The following BCAS3 variants were observed in gnomAD, a reference collection of about 807,000 sequenced individuals.
BCAS3 encodes the protein BCAS3 microtubule associated cell migration factor.
Under a neutral mutation model 116.1 loss-of-function variants are expected in BCAS3, and 53 were observed. The observed-to-expected ratio is 0.46, with a 90% CI of 0.37 to 0.57. BCAS3 has a LOEUF of 0.57. BCAS3 is among the 20% of genes least tolerant of loss of function. The probability of loss-of-function intolerance (pLI) is 0.00; values close to 1 mark genes in which losing one functional copy is unlikely to be tolerated. For missense variants in BCAS3, 917 were observed against 1,165.4 expected, an observed-to-expected ratio of 0.79 and a Z score of 3.10; for synonymous variants, 391 against 408.2, an observed-to-expected ratio of 0.96 and a Z score of 0.51.
In BCAS3 at chr17:61,391,959, C is replaced by T. The variant is rs2060156723; in HGVS notation, c.2594-18C>T. 3.1e-6 allele frequency: 5 copies of T among 1,612,208 alleles called. No homozygotes were observed. The highest frequency in any genetic ancestry group is 4.2e-6 in the Non-Finnish European group (5 of 1,179,426). ...GACCCAACTCTAACCAGGCCTGGCCCTCTCCTGTGTCTTGCAGAACTTCAG... is the reference window on the plus strand; with the variant it reads ...GACCCAACTCTAACCAGGCCTGGCCTTCTCCTGTGTCTTGCAGAACTTCAG... On this transcript the variant is annotated intron_variant, in intron 23 of 23. Transcript: ENST00000407086. The surrounding 1 kb of genome is among the most constrained non-coding windows in gnomAD (Gnocchi z 7.7).
intron 5 of BCAS3, among the ~76,000 whole-genome samples, chr17:60,738,268 T>C (rs1485207242): frequency 6.6e-6 from 1 of 152,246 alleles, no homozygotes; most frequent in Non-Finnish European, 1.5e-5. Flanking sequence ...TGTGCTTTTC[T>C]GGCTGCTGGA....
rs1256960311 is a variant in BCAS3, at chr17:61,144,878, T to C, written c.2425+60314T>C. ...TAAGATTCGCAGATTAAGATCATTA[T>C]AGCATTTGAGTAGGCCCTCAGTGAC... On this transcript the variant is annotated intron_variant, in intron 22 of 23. Coordinates refer to ENST00000407086, the MANE Select transcript of BCAS3 (RefSeq NM_017679.5). This position sits in a 1 kb window ranked among gnomAD's most constrained non-coding sequence, Gnocchi z 5.0. Among the ~76,000 whole-genome samples, 5 of 152,242 alleles carry C rather than the reference T, an allele frequency of 3.3e-5. No homozygotes were observed. The highest frequency in any genetic ancestry group is 1.2e-4 in the African/African-American group (5 of 41,454).
intron 6 of BCAS3, among the ~76,000 whole-genome samples, chr17:60,751,784 C>G (rs1201038828): frequency 6.6e-6 from 1 of 152,162 alleles, no homozygotes; most frequent in Non-Finnish European, 1.5e-5. Context: ...CTCAGGTGAT[C>G]CACCTGCCTC....
chr17:60,850,545 G>T (rs2053034309), intron 7 of BCAS3, among the ~76,000 whole-genome samples: 2 of 151,812 alleles, frequency 1.3e-5, no homozygotes, highest in African/African-American at 4.8e-5. Context: ...TTTTAGTAGA[G>T]ATGGGGTTTC....
At chr17:60,808,602 A>G (rs2144625691) in intron 7 of BCAS3, among the ~76,000 whole-genome samples, 1 of 152,336 alleles carries the variant, frequency 6.6e-6, no homozygotes, top group South Asian at 2.1e-4. Flanking sequence ...TTCATAGGCT[A>G]CAAGACAAAT....
At position 61,161,424 on chromosome 17, in the gene BCAS3, C is replaced by T. The variant is rs2078161236; in HGVS notation, c.2425+76860C>T. ...CCCACTTGTTGCATTTAATTTAAAG[C>T]AGTTGTCCCAATTTCATTACCACAG... On this transcript the variant is annotated intron_variant, in intron 22 of 23. Transcript: ENST00000407086. This position sits in a 1 kb window ranked among gnomAD's most constrained non-coding sequence, Gnocchi z 4.8. 6.6e-6 allele frequency among the ~76,000 whole-genome samples: 1 copy of T among 152,212 alleles called. No homozygotes were observed. Among genetic ancestry groups the T allele is most frequent in the Non-Finnish European group, 1.5e-5 (1 of 68,044 alleles).
At position 61,277,178 on chromosome 17, in the gene BCAS3, C is replaced by T. The variant is rs544835625; in HGVS notation, c.2426-91149C>T. Reference sequence around the variant, plus strand: ...ACTCAAAAGGCTGAGGCAGGAGGATCGCTTTTTCTAGGAGTTCAAGGTTGC... The same window carrying T: ...ACTCAAAAGGCTGAGGCAGGAGGATTGCTTTTTCTAGGAGTTCAAGGTTGC... On this transcript the variant is annotated intron_variant, in intron 22 of 23. Coordinates refer to ENST00000407086, the MANE Select transcript of BCAS3 (RefSeq NM_017679.5). Among the ~76,000 whole-genome samples, 8 of 147,780 alleles carry T rather than the reference C, an allele frequency of 5.4e-5. No individual in the cohort carries two copies. The East Asian group carries it at 1.2e-3, about 23-fold the overall frequency.
rs180727864 is a variant in BCAS3 at position 61,341,782 on chromosome 17, C to T, written c.2426-26545C>T. Among the ~76,000 whole-genome samples the T allele has an allele frequency of 9.2e-5, 14 of 152,340 alleles. No individual in the cohort carries two copies. The South Asian group carries it at 2.1e-3, about 23-fold the overall frequency. ...ATGGGTTCAGGGAGTGGCAATCATC[C>T]GGCCTTTTCTCTGCGATACCCAAAA... On this transcript the variant is annotated intron_variant, in intron 22 of 23. Coordinates refer to ENST00000407086, the MANE Select transcript of BCAS3 (RefSeq NM_017679.5).
intron 4 of BCAS3, among the ~76,000 whole-genome samples, chr17:60,692,236 A>G (rs569550093): frequency 6.6e-6 from 1 of 152,036 alleles, no homozygotes; most frequent in South Asian, 2.1e-4. Context: ...ATTTTATTTT[A>G]TTGATATATT....
At chr17:61,117,344 G>A (rs974486665) in intron 22 of BCAS3, among the ~76,000 whole-genome samples, 4 of 152,146 alleles carry the variant, frequency 2.6e-5, no homozygotes, top group Non-Finnish European at 4.4e-5. Context: ...TGTAATCCAA[G>A]CACTCTGGAA....
At chr17:60,797,897 C>G (rs918113297) in intron 6 of BCAS3, among the ~76,000 whole-genome samples, 6 of 152,124 alleles carry the variant, frequency 3.9e-5, no homozygotes, top group African/African-American at 1.4e-4. Context: ...CAAAAATTAG[C>G]CAGGCATGGT....
intron 19 of BCAS3, among the ~76,000 whole-genome samples, chr17:61,045,865 A>ATATATATATAT (rs757031336): frequency 3.0e-3 from 12 of 3,960 alleles, no homozygotes; most frequent in Non-Finnish European, 3.9e-3. Flanking sequence ...ATATATATAT[A>ATATATATATAT]AATATATATA....
Position 61,244,766 on chromosome 17 carries a change from G to A in BCAS3, c.2426-123561G>A, listed in dbSNP as rs866034244. Among the ~76,000 whole-genome samples the A allele has an allele frequency of 6.6e-6, 1 of 152,112 alleles. No homozygotes were observed. Among genetic ancestry groups the A allele is most frequent in the African/African-American group, 2.4e-5 (1 of 41,426 alleles). On this transcript the variant is annotated intron_variant, in intron 22 of 23. Coordinates refer to ENST00000407086, the MANE Select transcript of BCAS3 (RefSeq NM_017679.5). This position sits in a 1 kb window ranked among gnomAD's most constrained non-coding sequence, Gnocchi z 4.9. ...TAGTCCCAGTTACTTGGGAGAATGA[G>A]GCAGGAGAATGGCATGAACCCAGGA...
At chr17:60,744,176 T>C (rs2041838277) in intron 5 of BCAS3, among the ~76,000 whole-genome samples, 1 of 152,220 alleles carries the variant, frequency 6.6e-6, no homozygotes, top group Non-Finnish European at 1.5e-5. Context: ...GCTTGGACTC[T>C]CTTTCCTTGT....
intron 6 of BCAS3, among the ~76,000 whole-genome samples, chr17:60,804,561 C>T (rs2048103083): frequency 6.6e-6 from 1 of 152,054 alleles, no homozygotes; most frequent in Admixed American, 6.6e-5. Flanking sequence ...CTTTTTTCCA[C>T]TTTATATCTT....
intron 22 of BCAS3, among the ~76,000 whole-genome samples, chr17:61,283,348 C>T (rs959413660): frequency 2.0e-5 from 3 of 152,168 alleles, no homozygotes; most frequent in African/African-American, 4.8e-5. Context: ...CTCATTCTCC[C>T]TATTATATTT....
intron 22 of BCAS3, chr17:61,157,355 A>G (rs574230760): frequency 2.2e-4 from 34 of 152,238 alleles, no homozygotes; most frequent in African/African-American, 7.7e-4. Context: ...TCTTAGACTC[A>G]TATTACTATC....
At chr17:60,818,944 A>G (rs1432473195) in intron 7 of BCAS3, among the ~76,000 whole-genome samples, 2 of 152,246 alleles carry the variant, frequency 1.3e-5, no homozygotes, top group Non-Finnish European at 1.5e-5. Flanking sequence ...GGGCTTTAGT[A>G]TTAACTTAGA....
chr17:60,754,987 T>A (rs1203039838), intron 6 of BCAS3, among the ~76,000 whole-genome samples: 2 of 152,200 alleles, frequency 1.3e-5, no homozygotes, highest in African/African-American at 4.8e-5. Flanking sequence ...ATCATTTAGG[T>A]TTTTGCAATA....
Sources: gnomAD v4.1 joint callset for allele counts (sites outside exome capture counted in the v4.1 genomes callset) on GRCh38, gnomAD v4.1.1 for gene constraint, Gnocchi (gnomAD v3.1) non-coding constraint, MANE v1.5 for transcripts, NCBI Gene and HGNC (gene_info 2026-07-23, HGNC 2026-07-21) for gene names.